The following OPN5 variants were observed in gnomAD, a reference collection of about 807,000 sequenced individuals.
OPN5 encodes the protein opsin 5, also known as opsin-5.
A neutral mutation model predicts 41.7 loss-of-function variants in OPN5; 18 were observed. The observed-to-expected ratio is 0.43, with a 90% CI of 0.30 to 0.64. The LOEUF (loss-of-function observed/expected upper bound fraction) is 0.64, where lower values mean the gene tolerates loss of function less well. Among genes scored for constraint, OPN5 ranks in the 30% least tolerant of loss-of-function variants. OPN5 has a pLI of 0.13. For synonymous variants in OPN5, 178 were observed against 164.3 expected (o/e 1.08, Z -0.64); for missense variants, 318 against 434.5 (o/e 0.73, Z 2.38).
exon 4 of OPN5, chr6:47,795,374 G>A: frequency 6.2e-7 from 1 of 1,614,142 alleles, no homozygotes. Context: ...ACTGGTGGCT[G>A]GCCCAGGCCT....
Position 47,824,268 on chromosome 6 carries a change from T to G in OPN5, c.*277T>G, listed in dbSNP as rs918325891. The G allele has an allele frequency of 6.2e-6, 3 of 480,824 alleles. No homozygotes were observed. In the Admixed American group the frequency reaches 1.0e-4, roughly 16 times the overall value. The allele number at this position is 480,824 out of a possible 1,614,324, so 29.8% of individuals were successfully genotyped here. On this transcript the variant is annotated 3_prime_UTR_variant, in exon 7 of 7. Coordinates refer to ENST00000371211, the Ensembl canonical transcript of OPN5. ...AAACATCCTGCAGTGCACACCTCGG[T>G]CTCGTCAGTAAGGACTTCACTTTCT...
chr6:47,800,853 C>T (rs1241680969), intron 4 of OPN5, among the ~76,000 whole-genome samples: 33 of 152,202 alleles, frequency 2.2e-4, no homozygotes, highest in Non-Finnish European at 2.9e-5. Context: ...GACAGGAAGA[C>T]AATCCCAGAA....
intron 4 of OPN5, among the ~76,000 whole-genome samples, chr6:47,803,069 G>A (rs972560885): frequency 5.9e-5 from 9 of 152,138 alleles, no homozygotes; most frequent in Admixed American, 5.9e-4. Context: ...CAAGTTTATG[G>A]AGGAAGGTTT....
At chr6:47,806,886 G>T (rs534135634) in intron 4 of OPN5, among the ~76,000 whole-genome samples, 15 of 152,244 alleles carry the variant, frequency 9.9e-5, no homozygotes, top group African/African-American at 3.6e-4. Flanking sequence ...GGCCAGGCGC[G>T]ATGGCTCATG....
At chr6:47,810,345 G>T (rs1384854442) in intron 5 of OPN5, among the ~76,000 whole-genome samples, 3 of 152,148 alleles carry the variant, frequency 2.0e-5, no homozygotes, top group Non-Finnish European at 4.4e-5. Context: ...GAGCAGACGG[G>T]TGGATGGTAG....
chr6:47,783,227 T>C (rs980326963), intron 1 of OPN5, among the ~76,000 whole-genome samples: 2 of 152,264 alleles, frequency 1.3e-5, no homozygotes, highest in Middle Eastern at 3.4e-3. Context: ...AAAGAAACCA[T>C]ACTTTTCTTA....
At chr6:47,795,563 G>A (rs765472387) in exon 4 of OPN5, 5 of 1,605,786 alleles carry the variant, frequency 3.1e-6, no homozygotes, top group Non-Finnish European at 4.3e-6. Flanking sequence ...AACTGACAAA[G>A]GTAAGTGCAC....
At chr6:47,820,727 T>C (rs1355877976) in intron 6 of OPN5, among the ~76,000 whole-genome samples, 2 of 152,156 alleles carry the variant, frequency 1.3e-5, no homozygotes, top group African/African-American at 4.8e-5. Context: ...GCATGCTCCT[T>C]ATATGAAAAT....
chr6:47,802,151 C>A (rs918451915), intron 4 of OPN5, among the ~76,000 whole-genome samples: 1 of 152,126 alleles, frequency 6.6e-6, no homozygotes, highest in African/African-American at 2.4e-5. Flanking sequence ...CCCAGAATTC[C>A]CCTACAGCTA....
chr6:47,792,916 G>A (rs577214463), intron 3 of OPN5, among the ~76,000 whole-genome samples: 89 of 144,580 alleles, frequency 6.2e-4, no homozygotes, highest in African/African-American at 2.2e-3. Flanking sequence ...AAACTCCAAA[G>A]AATCCATGCT....
downstream of OPN5, chr6:47,825,076 A>G (rs1211423310): frequency 1.3e-5 from 2 of 152,214 alleles, no homozygotes; most frequent in African/African-American, 4.8e-5. Flanking sequence ...AATTGTAAAC[A>G]CATAATGAAT....
chr6:47,824,762 G>T (rs1036749627), downstream of OPN5: 1 of 151,948 alleles, frequency 6.6e-6, no homozygotes, highest in Non-Finnish European at 1.5e-5. Flanking sequence ...AAAGCTCCTC[G>T]GGATGCTTCC....
At chr6:47,800,406 A>T (rs1381554685) in intron 4 of OPN5, among the ~76,000 whole-genome samples, 1 of 152,178 alleles carries the variant, frequency 6.6e-6, no homozygotes, top group Non-Finnish European at 1.5e-5. Context: ...GCGTCTGCCC[A>T]GGTGGGGCCA....
At chr6:47,791,842 C>T (rs1343048479) in exon 3 of OPN5, 7 of 1,613,940 alleles carry the variant, frequency 4.3e-6, no homozygotes, top group Non-Finnish European at 5.1e-6. Flanking sequence ...GCTTTTGTCA[C>T]CGCTGGGTGT....
intron 4 of OPN5, among the ~76,000 whole-genome samples, chr6:47,796,228 C>G (rs1773565459): frequency 6.6e-6 from 1 of 152,190 alleles, no homozygotes; most frequent in South Asian, 2.1e-4. Flanking sequence ...TCTTGAATCC[C>G]TATTTCCTCA....
intron 1 of OPN5, among the ~76,000 whole-genome samples, chr6:47,785,841 C>T (rs1773175965): frequency 1.3e-5 from 2 of 152,138 alleles, no homozygotes; most frequent in African/African-American, 2.4e-5. Context: ...ACTTTCTCTC[C>T]CCTTGGTGGG....
At chr6:47,815,560 G>A (rs977906230) in intron 6 of OPN5, among the ~76,000 whole-genome samples, 1 of 152,148 alleles carries the variant, frequency 6.6e-6, no homozygotes, top group Non-Finnish European at 1.5e-5. Context: ...GGTTAGCAGA[G>A]ATAGCATCAG....
intron 6 of OPN5, among the ~76,000 whole-genome samples, chr6:47,816,900 C>T (rs868228769): frequency 5.9e-5 from 9 of 152,014 alleles, no homozygotes; most frequent in Admixed American, 3.3e-4. Context: ...TTATTCCAAG[C>T]GGGTTTTGTA....
intron 2 of OPN5, among the ~76,000 whole-genome samples, chr6:47,789,418 T>C (rs979918521): frequency 6.6e-6 from 1 of 150,596 alleles, no homozygotes; most frequent in African/African-American, 2.5e-5. Context: ...TTTTTTTTTT[T>C]GTCTGCTTTA....
Sources: allele counts gnomAD v4.1 joint callset (sites outside exome capture counted in the v4.1 genomes callset), GRCh38; gene constraint gnomAD v4.1.1; transcripts MANE v1.5; gene names NCBI Gene and HGNC (gene_info 2026-07-23, HGNC 2026-07-21).